L3HYPDH: variants seen among roughly 807,000 people sequenced by gnomAD.
L3HYPDH encodes the protein trans-L-3-hydroxyproline dehydratase.
A neutral mutation model predicts 26.5 loss-of-function variants in L3HYPDH; 32 were observed. That is an observed-to-expected ratio of 1.21 (90% CI 0.91 to 1.62). The LOEUF is 1.62. Among genes scored for constraint, L3HYPDH ranks in the 40% most tolerant of loss-of-function variants. L3HYPDH has a pLI of 0.00. For synonymous variants in L3HYPDH, 215 were observed against 196.6 expected, an observed-to-expected ratio of 1.09 and a Z score of -0.78; for missense variants, 554 against 476.4, an observed-to-expected ratio of 1.16 and a Z score of -1.52.
downstream of L3HYPDH, among the ~76,000 whole-genome samples, chr14:59,471,486 C>A (rs1179954397): frequency 6.6e-6 from 1 of 152,106 alleles, no homozygotes; most frequent in Non-Finnish European, 1.5e-5. Context: ...GGAATAGTTT[C>A]CCCTGGTGGA....
rs201296859 is a variant in L3HYPDH at position 59,484,274 on chromosome 14, G to A, written c.43C>T (p.Pro15Ser). The A allele has an allele frequency of 1.2e-5, 19 of 1,596,128 alleles. No homozygotes were observed. The highest frequency in any genetic ancestry group is 1.4e-5 in the Non-Finnish European group (16 of 1,178,766). ...ACCACCGACAGCACCGGCGTCCCTGGATCATGCGGGGGCAGCCGGGGCACC... is the reference window on the plus strand; with the variant it reads ...ACCACCGACAGCACCGGCGTCCCTGAATCATGCGGGGGCAGCCGGGGCACC... ...LAVPRLPPHD[P>S]GTPVLSVVDM... Residue 15 changes from proline (P) to serine (S), a missense_variant, in exon 1 of 5, where the codon CCA becomes TCA. By Grantham distance (74) the Pro-to-Ser change is moderately conservative. Transcript: ENST00000247194.
At chr14:59,483,278 T>A (rs1335066718) in intron 1 of L3HYPDH, among the ~76,000 whole-genome samples, 1 of 152,346 alleles carries the variant, frequency 6.6e-6, no homozygotes, top group African/African-American at 2.4e-5. Flanking sequence ...TTCCTGTTCT[T>A]AAAGAAAAGC....
chr14:59,488,356 A>G (rs56161251), upstream of L3HYPDH, among the ~76,000 whole-genome samples: 89 of 152,310 alleles, frequency 5.8e-4, no homozygotes, highest in Non-Finnish European at 1.1e-3. Flanking sequence ...GTGTGTACAT[A>G]ATTATAAATC....
At chr14:59,484,566 T>C (rs1374034156), upstream of L3HYPDH, 6 of 1,571,876 alleles carry the variant, frequency 3.8e-6, no homozygotes, top group East Asian at 9.4e-5. Flanking sequence ...CTAGTGCTTC[T>C]CGAAAAAAAC....
Position 59,479,221 on chromosome 14 carries a change from C to T in L3HYPDH, c.639G>A (p.Val213=). Residue 213 remains valine, a synonymous_variant, in exon 2 of 5, where the codon GTG becomes GTA. Transcript: ENST00000247194. ...DICSAKTRDL[V]DAASAVTEAV... ...CCTCTGTCACTGCACTCGCTGCATC[C>T]ACAAGGTCCCTGGTCTTTGCAGAAC... is the stretch of plus-strand genomic sequence containing the variant. The T allele has an allele frequency of 6.2e-7, 1 of 1,611,326 alleles. No homozygotes were observed. Among genetic ancestry groups the T allele is most frequent in the East Asian group, 2.2e-5 (1 of 44,762 alleles).
the L3HYPDH span, chr14:59,499,015 C>CTTT: frequency 3.4e-4 from 43 of 127,286 alleles, no homozygotes; most frequent in Non-Finnish European, 4.0e-4. Flanking sequence ...TTGTTTAATC[C>CTTT]TTTTTTTTTT....
intron 4 of L3HYPDH, chr14:59,474,976 A>G (rs1260669224): frequency 6.5e-6 from 1 of 153,034 alleles, no homozygotes; most frequent in African/African-American, 2.4e-5. Context: ...AAAAACAGCT[A>G]TATTAGGATA....
upstream of L3HYPDH, chr14:59,484,459 G>A: frequency 1.4e-6 from 2 of 1,388,666 alleles, no homozygotes; most frequent in Non-Finnish European, 9.9e-7. Context: ...CCGGAAGCGA[G>A]GGAGGAACTT....
chr14:59,489,231 C>T (rs1890807705), upstream of L3HYPDH, among the ~76,000 whole-genome samples: 1 of 152,238 alleles, frequency 6.6e-6, no homozygotes, highest in South Asian at 2.1e-4. Flanking sequence ...TTTGCTCCCA[C>T]ATCTATCTGA....
rs542502459 is a variant in L3HYPDH at position 59,479,874 on chromosome 14, T to C, written c.509-523A>G. ...ATGTTTTCATCTCCTTAAGGTATCC[T>C]GCAGGCAAACACAGAAAAATGCCAT... On this transcript the variant is annotated intron_variant, in intron 1 of 4. Coordinates refer to ENST00000247194, the MANE Select transcript of L3HYPDH (RefSeq NM_144581.2). 3.5e-4 allele frequency among the ~76,000 whole-genome samples: 53 copies of C among 152,250 alleles called. 1 individual carries two copies. Among genetic ancestry groups the C allele is most frequent in the Admixed American group, 7.2e-4 (11 of 15,310 alleles).
Position 59,484,033 on chromosome 14 carries a change from A to T in L3HYPDH, c.284T>A (p.Leu95Gln). 5 of 1,605,680 alleles carry T rather than the reference A, an allele frequency of 3.1e-6. No homozygotes were observed. Among genetic ancestry groups the T allele is most frequent in the South Asian group, 1.1e-5 (1 of 90,814 alleles). ...LPDAHLGVLF[L>Q]HNEGYSSMCG... ...CATGGAGCTGTAGCCCTCGTTGTGC[A>T]GGAACAGGACGCCCAGATGCGCGTC... is the stretch of plus-strand genomic sequence containing the variant. Residue 95 changes from leucine to glutamine, a missense_variant, in exon 1 of 5, where the codon CTG becomes CAG. Coordinates refer to ENST00000247194, the MANE Select transcript of L3HYPDH (RefSeq NM_144581.2).
At chr14:59,502,114 G>C in the L3HYPDH span, among the ~76,000 whole-genome samples, 1 of 152,114 alleles carries the variant, frequency 6.6e-6, no homozygotes, top group East Asian at 1.9e-4. Flanking sequence ...GGGCATTCTT[G>C]TACATTATTT....
intron 2 of L3HYPDH, among the ~76,000 whole-genome samples, chr14:59,478,397 C>T (rs891845985): frequency 6.6e-6 from 1 of 152,018 alleles, no homozygotes; most frequent in Non-Finnish European, 1.5e-5. Context: ...CATCCTGTCT[C>T]TATATAAACA....
At chr14:59,481,977 G>A (rs1337285670) in intron 1 of L3HYPDH, among the ~76,000 whole-genome samples, 2 of 152,222 alleles carry the variant, frequency 1.3e-5, no homozygotes, top group East Asian at 3.8e-4. Flanking sequence ...GGTTTCTCAA[G>A]AGGACCAGAT....
chr14:59,501,671 G>C, the L3HYPDH span, among the ~76,000 whole-genome samples: 1 of 152,096 alleles, frequency 6.6e-6, no homozygotes, highest in African/African-American at 2.4e-5. Context: ...CAGTAATTGT[G>C]CATTCCATAT....
In L3HYPDH at chr14:59,473,040, T is replaced by C. The variant is rs1394933079; in HGVS notation, c.990A>G (p.Gln330=). Residue 330 remains glutamine (Q), a synonymous_variant, in exon 5 of 5, where the codon CAA becomes CAG. Transcript: ENST00000247194. ...FKAVIVEVSG[Q]AHYTGTASFI... ...AGCTTGCTGTACCCGTGTAATGGGC[T>C]TGTCCTGATACTTCCACTATAACAG... is the stretch of plus-strand genomic sequence containing the variant. 6.2e-7 allele frequency: 1 copy of C among 1,608,708 alleles called. No individual in the cohort carries two copies. The highest frequency in any genetic ancestry group is 8.5e-7 in the Non-Finnish European group (1 of 1,177,954).
At chr14:59,502,750 A>ATTTTTGTTGTTTTTTTGTTT in the L3HYPDH span, among the ~76,000 whole-genome samples, 2 of 4,908 alleles carry the variant, frequency 4.1e-4, no homozygotes, top group African/African-American at 6.9e-4. Context: ...ATAAAATGAG[A>ATTTTTGTTGTTTTTTTGTTT]TTTTTTTTTT....
chr14:59,485,240 C>A, upstream of L3HYPDH: 1 of 992,864 alleles, frequency 1.0e-6, no homozygotes, highest in Non-Finnish European at 1.4e-6. Context: ...ATGTAAAGCC[C>A]ATACAGAAGT....
chr14:59,465,977 A>T (rs1012981776), intron 1 of L3HYPDH, among the ~76,000 whole-genome samples: 2 of 152,204 alleles, frequency 1.3e-5, no homozygotes, highest in Non-Finnish European at 2.9e-5. Flanking sequence ...CCACACTTAC[A>T]GAAGCACTGA....
Sources: allele counts gnomAD v4.1 joint callset (sites outside exome capture counted in the v4.1 genomes callset), GRCh38; gene constraint gnomAD v4.1.1; transcripts MANE v1.5; gene names NCBI Gene and HGNC (gene_info 2026-07-23, HGNC 2026-07-21).